The following UNC93A variants were observed in gnomAD, a reference collection of about 807,000 sequenced individuals.
UNC93A encodes the protein N-acetylglucosamine transporter UNC93A.
UNC93A carries 43 observed loss-of-function variants against 47.5 expected under a neutral mutation model. That is an observed-to-expected ratio of 0.91 (90% CI 0.71 to 1.17). The LOEUF is 1.17. Among genes scored for constraint, UNC93A ranks in the 50% most tolerant of loss-of-function variants. The pLI, the probability that UNC93A is intolerant of heterozygous loss-of-function variation, is 0.00. For synonymous variants in UNC93A, 280 were observed against 258.0 expected (o/e 1.09, Z -0.82); for missense variants, 605 against 577.6 (o/e 1.05, Z -0.49).
At chr6:167,300,168 C>T (rs73037018) in intron 4 of UNC93A, among the ~76,000 whole-genome samples, 13,514 of 152,212 alleles carry the variant, frequency 0.089, 726 homozygotes, top group South Asian at 0.16. Flanking sequence ...GGCAGTCTGA[C>T]GCCGTGCAGG....
chr6:167,276,094 T>A (rs1170696126), intron 1 of UNC93A, among the ~76,000 whole-genome samples: 1 of 149,534 alleles, frequency 6.7e-6, no homozygotes, highest in African/African-American at 2.5e-5. Flanking sequence ...CACATATGAG[T>A]GAGAACGTGT....
upstream of UNC93A, among the ~76,000 whole-genome samples, chr6:167,291,096 T>C (rs568264858): frequency 8.5e-5 from 13 of 152,322 alleles, no homozygotes; most frequent in Middle Eastern, 3.4e-3. Flanking sequence ...TCTCTTACTG[T>C]GGAAGGTTCT....
Position 167,307,928 on chromosome 6 carries a change from G to GC in UNC93A, c.1108+22dup. The stretch of plus-strand genomic sequence containing the variant: ...AAACAATGGTGAGTCCCCAGCCCAG[G>GC]CCCCTTCCTCTGTGGCAGCAGGGGG... On this transcript the variant is annotated intron_variant, in intron 7 of 7. Coordinates refer to ENST00000230256, the MANE Select transcript of UNC93A (RefSeq NM_018974.4). The GC allele has an allele frequency of 6.2e-7, 1 of 1,612,454 alleles. No homozygotes were observed. The highest frequency in any genetic ancestry group is 8.5e-7 in the Non-Finnish European group (1 of 1,179,206).
rs1778136217 is a variant in UNC93A, at chr6:167,298,005, C to A, written c.560C>A (p.Thr187Lys). The A allele has an allele frequency of 6.2e-7, 1 of 1,614,004 alleles. No homozygotes were observed. The highest frequency in any genetic ancestry group is 8.5e-7 in the Non-Finnish European group (1 of 1,180,038). ...CGASDCLMAT[T>K]TTNSTQRPSQ... ...GCCAGTGACTGCCTGATGGCCACCA[C>A]AACCACCAACAGCACCCAGAGGCCC... is the stretch of plus-strand genomic sequence containing the variant. Residue 187 changes from threonine (T) to lysine (K), a missense_variant, in exon 4 of 8, where the codon ACA becomes AAA. Physicochemically the swap from Thr to Lys is moderately conservative, Grantham distance 78. Transcript: ENST00000230256.
chr6:167,280,737 C>T (rs569383617), intron 1 of UNC93A, among the ~76,000 whole-genome samples: 2 of 152,182 alleles, frequency 1.3e-5, no homozygotes, highest in East Asian at 1.9e-4. Flanking sequence ...TAGACCAATG[C>T]ATAACCTGCT....
At chr6:167,269,856 C>A (rs1197325264), upstream of UNC93A, among the ~76,000 whole-genome samples, 4 of 152,078 alleles carry the variant, frequency 2.6e-5, no homozygotes. Context: ...ACCTCGTGAT[C>A]CACCTGCCTC....
rs372539280 is a variant in UNC93A at position 167,304,060 on chromosome 6, G to A, written c.767G>A (p.Arg256His). The change falls in exon 5 of 8, where the codon CGT (arginine) becomes CAT (histidine). Residue 256 changes from arginine (R) to histidine (H), a missense_variant. Transcript: ENST00000230256. Reference sequence around the variant, plus strand: ...ACTTTCAAGCTATATAGAGATAAACGTCTGTGCCTCTTAATTCTGCTGCCG... The same window carrying A: ...ACTTTCAAGCTATATAGAGATAAACATCTGTGCCTCTTAATTCTGCTGCCG... Reference protein sequence around the residue: ...LSTFKLYRDKRLCLLILLPLY... With the variant: ...LSTFKLYRDKHLCLLILLPLY... 229 of 1,613,938 alleles carry A rather than the reference G, an allele frequency of 1.4e-4. No individual in the cohort carries two copies. Among genetic ancestry groups the A allele is most frequent in the Non-Finnish European group, 1.8e-4 (209 of 1,180,036 alleles).
chr6:167,306,802 C>T (rs972052285), intron 6 of UNC93A, among the ~76,000 whole-genome samples: 1 of 152,216 alleles, frequency 6.6e-6, no homozygotes, highest in Non-Finnish European at 1.5e-5. Context: ...TAAGGTGGCA[C>T]AGCCCTGGGG....
chr6:167,313,254 G>A (rs1482697483), intron 7 of UNC93A, among the ~76,000 whole-genome samples: 4 of 152,144 alleles, frequency 2.6e-5, no homozygotes, highest in Non-Finnish European at 4.4e-5. Context: ...ACATCTAGGT[G>A]ATTTTGAACA....
At chr6:167,270,764 C>G (rs1348638551), upstream of UNC93A, among the ~76,000 whole-genome samples, 2 of 152,156 alleles carry the variant, frequency 1.3e-5, no homozygotes, top group African/African-American at 2.4e-5. Flanking sequence ...GGTGACGCGT[C>G]TACAAACGAG....
chr6:167,278,064 G>C (rs1016763730), intron 1 of UNC93A, among the ~76,000 whole-genome samples: 4 of 152,162 alleles, frequency 2.6e-5, no homozygotes, highest in African/African-American at 9.7e-5. Context: ...ATGCCAAATA[G>C]GTTTAAAATT....
At chr6:167,290,916 T>A (rs2989556), upstream of UNC93A, among the ~76,000 whole-genome samples, 103,147 of 152,076 alleles carry the variant, frequency 0.68, 35,050 homozygotes, top group African/African-American at 0.71. Context: ...ATTGCTGTAC[T>A]GTGTTGTGAA....
intron 1 of UNC93A, among the ~76,000 whole-genome samples, chr6:167,285,765 C>T (rs1783716292): frequency 6.6e-6 from 1 of 151,606 alleles, no homozygotes; most frequent in East Asian, 1.9e-4. Flanking sequence ...TTACAGAGTT[C>T]TTTCTACAAC....
intron 1 of UNC93A, among the ~76,000 whole-genome samples, chr6:167,274,350 T>G (rs1405243469): frequency 1.3e-5 from 2 of 152,126 alleles, no homozygotes; most frequent in Non-Finnish European, 2.9e-5. Context: ...AATGGAAAAA[T>G]CCTACGTATT....
At chr6:167,285,938 T>TTCTTTCTCTCTCTCTC (rs1554237635) in intron 1 of UNC93A, among the ~76,000 whole-genome samples, 4 of 131,744 alleles carry the variant, frequency 3.0e-5, no homozygotes, top group African/African-American at 1.2e-4. Context: ...TTAGTTTTCT[T>TTCTTTCTCTCTCTCTC]TCTCTCTCTC....
intron 1 of UNC93A, among the ~76,000 whole-genome samples, chr6:167,277,649 CTCTG>C (rs1783565488): frequency 6.6e-6 from 1 of 151,396 alleles, no homozygotes; most frequent in Non-Finnish European, 1.5e-5. Flanking sequence ...CTCTGTCTCC[CTCTG>C]TCTCTCTATC....
intron 1 of UNC93A, among the ~76,000 whole-genome samples, chr6:167,277,308 TGACCTGC>T (rs1020896151): frequency 1.2e-4 from 18 of 152,326 alleles, no homozygotes; most frequent in Admixed American, 1.1e-3. Flanking sequence ...TTCTGGCCTG[TGACCTGC>T]CTTGGCGACC....
chr6:167,288,180 A>G (rs1783774057), upstream of UNC93A, among the ~76,000 whole-genome samples: 1 of 152,172 alleles, frequency 6.6e-6, no homozygotes, highest in South Asian at 2.1e-4. Flanking sequence ...GCCCTCTCTG[A>G]TAAGTAATGG....
chr6:167,283,975 G>A (rs1237133071), intron 1 of UNC93A, among the ~76,000 whole-genome samples: 4 of 152,198 alleles, frequency 2.6e-5, no homozygotes, highest in Non-Finnish European at 5.9e-5. Flanking sequence ...CATCTGGGAA[G>A]GTTCACACTC....
Sources: allele counts gnomAD v4.1 joint callset (sites outside exome capture counted in the v4.1 genomes callset), GRCh38; gene constraint gnomAD v4.1.1; transcripts MANE v1.5; gene names NCBI Gene and HGNC (gene_info 2026-07-23, HGNC 2026-07-21).